Variants in TCF4 observed in about 807,000 individuals in gnomAD.
TCF4 encodes the protein transcription factor 4.
In TCF4, 3 loss-of-function variants were observed where a neutral mutation model predicts 82.1. That is an observed-to-expected ratio of 0.04 (90% CI 0.02 to 0.09). TCF4 has a LOEUF of 0.09. TCF4 is among the 10% of genes least tolerant of loss of function. TCF4 has a pLI of 1.00. For missense variants in TCF4, 518 were observed against 852.7 expected (o/e 0.61, Z 4.89); for synonymous variants, 276 against 309.6 (o/e 0.89, Z 1.14).
intron 3 of TCF4, among the ~76,000 whole-genome samples, chr18:55,473,790 G>A (rs1297067124): frequency 6.6e-6 from 1 of 152,124 alleles, no homozygotes; most frequent in Non-Finnish European, 1.5e-5. Context: ...TCAAATCAAA[G>A]CAGGTTGACA....
At chr18:55,305,247 G>T (rs998558657) in intron 8 of TCF4, among the ~76,000 whole-genome samples, 3 of 152,094 alleles carry the variant, frequency 2.0e-5, no homozygotes, top group African/African-American at 7.2e-5. Context: ...AAGGCACATT[G>T]ACTATAAACA....
intron 8 of TCF4, among the ~76,000 whole-genome samples, chr18:55,309,305 A>G (rs1256873977): frequency 6.7e-6 from 1 of 149,912 alleles, no homozygotes; most frequent in African/African-American, 2.5e-5. Flanking sequence ...AACTTTTTCT[A>G]GAGACAGGGT....
At chr18:55,242,922 TTAA>T (rs1477137394) in intron 15 of TCF4, among the ~76,000 whole-genome samples, 5 of 152,282 alleles carry the variant, frequency 3.3e-5, no homozygotes, top group Middle Eastern at 3.4e-3. Context: ...CACTGATATT[TTAA>T]TGATGGGATA....
intron 6 of TCF4, among the ~76,000 whole-genome samples, chr18:55,394,484 G>T (rs1197099780): frequency 6.6e-6 from 1 of 152,126 alleles, no homozygotes; most frequent in Non-Finnish European, 1.5e-5. Context: ...TGGAGATAAA[G>T]GGTATGTAGC....
chr18:55,368,658 G>T (rs2087976509), intron 6 of TCF4, among the ~76,000 whole-genome samples: 1 of 152,180 alleles, frequency 6.6e-6, no homozygotes, highest in East Asian at 1.9e-4. Context: ...GATGAACATG[G>T]TGTATGACAC....
At chr18:55,573,316 CAAGT>C (rs1347527937) in intron 3 of TCF4, among the ~76,000 whole-genome samples, 3 of 132,550 alleles carry the variant, frequency 2.3e-5, no homozygotes, top group African/African-American at 8.2e-5. Context: ...AAAAAAAAAA[CAAGT>C]AGCCACTATG....
At chr18:55,263,759 T>A in intron 11 of TCF4, among the ~76,000 whole-genome samples, 1 of 151,944 alleles carries the variant, frequency 6.6e-6, no homozygotes, top group Admixed American at 6.6e-5. Context: ...GCGATATTTC[T>A]TTTCATTATT....
Position 55,223,974 on chromosome 18 carries a change from T to G in TCF4, c.*4061A>C, listed in dbSNP as rs1016269787. Reference sequence around the variant, plus strand: ...AGAAGAAATATTCAGAATCTGACAATTTTTTTGTAATATTCATGGTATAAA... The same window carrying G: ...AGAAGAAATATTCAGAATCTGACAAGTTTTTTGTAATATTCATGGTATAAA... On this transcript the variant is annotated 3_prime_UTR_variant, in exon 20 of 20. Transcript: ENST00000354452. 5 of 142,230 alleles carry G rather than the reference T, an allele frequency of 3.5e-5. No individual in the cohort carries two copies. Among genetic ancestry groups the G allele is most frequent in the African/African-American group, 9.8e-5 (4 of 40,622 alleles). 8.8% of individuals were successfully genotyped at this position (142,230 alleles called of 1,614,324 possible). A position where few individuals can be genotyped will look rare whatever the true frequency, so the allele number is the denominator to read the frequency against.
At chr18:55,316,977 G>A (rs1055746530) in intron 8 of TCF4, among the ~76,000 whole-genome samples, 7 of 151,950 alleles carry the variant, frequency 4.6e-5, no homozygotes, top group African/African-American at 1.2e-4. Context: ...TCACAGAAAC[G>A]TTCAAACTGG....
At chr18:55,265,482 T>C (rs1158522338) in intron 11 of TCF4, 1 of 152,104 alleles carries the variant, frequency 6.6e-6, no homozygotes, top group Non-Finnish European at 1.5e-5. Flanking sequence ...CAGGGGGAAG[T>C]TGGGCTTCCT....
chr18:55,286,284 T>C (rs944356935), intron 8 of TCF4, among the ~76,000 whole-genome samples: 6 of 151,982 alleles, frequency 3.9e-5, no homozygotes, highest in African/African-American at 1.5e-4. Context: ...TTTAGTACTA[T>C]TTGTCAAAAT....
chr18:55,412,109 T>C (rs879616754), intron 5 of TCF4, among the ~76,000 whole-genome samples: 16 of 152,110 alleles, frequency 1.1e-4, no homozygotes, highest in Non-Finnish European at 1.9e-4. Flanking sequence ...GCAACCAATT[T>C]AAGTGATAGG....
chr18:55,352,257 G>A (rs1221172356), intron 6 of TCF4, among the ~76,000 whole-genome samples: 1 of 152,070 alleles, frequency 6.6e-6, no homozygotes, highest in Non-Finnish European at 1.5e-5. Flanking sequence ...TCAACAAAGT[G>A]GCATGTCTTC....
intron 6 of TCF4, among the ~76,000 whole-genome samples, chr18:55,385,788 T>C (rs995575773): frequency 6.6e-6 from 1 of 152,036 alleles, no homozygotes; most frequent in African/African-American, 2.4e-5. Context: ...CTTTTGCGAG[T>C]CAATGAAAGA....
chr18:55,327,975 A>C (rs151080531), intron 8 of TCF4, among the ~76,000 whole-genome samples: 2 of 152,328 alleles, frequency 1.3e-5, no homozygotes, highest in Admixed American at 6.5e-5. Context: ...CATTATCTAC[A>C]TGAACATAAC....
At chr18:55,457,872 G>T (rs561238504) in intron 5 of TCF4, among the ~76,000 whole-genome samples, 2 of 151,998 alleles carry the variant, frequency 1.3e-5, no homozygotes, top group African/African-American at 4.8e-5. Context: ...TGTAATAATG[G>T]GTTTCATTAC....
At chr18:55,333,449 GA>G (rs149636405) in intron 8 of TCF4, among the ~76,000 whole-genome samples, 4 of 138,650 alleles carry the variant, frequency 2.9e-5, no homozygotes, top group African/African-American at 7.9e-5. Flanking sequence ...TCTCCCACCA[GA>G]AAAAAAAAAC....
At chr18:55,500,877 C>T (rs1019541656) in intron 3 of TCF4, among the ~76,000 whole-genome samples, 11 of 152,076 alleles carry the variant, frequency 7.2e-5, no homozygotes, top group Admixed American at 3.9e-4. Flanking sequence ...GCAATGTGAA[C>T]CTTCTTGCTG....
intron 2 of TCF4, among the ~76,000 whole-genome samples, chr18:55,593,872 C>T (rs2097688211): frequency 6.6e-6 from 1 of 152,104 alleles, no homozygotes; most frequent in South Asian, 2.1e-4. Flanking sequence ...CAAGGGCAGT[C>T]TTGATTGAAT....
Sources: gnomAD v4.1 joint callset for allele counts (sites outside exome capture counted in the v4.1 genomes callset) on GRCh38, gnomAD v4.1.1 for gene constraint, MANE v1.5 for transcripts, NCBI Gene and HGNC (gene_info 2026-07-23, HGNC 2026-07-21) for gene names.